Variants in SDK1 observed in about 807,000 individuals in gnomAD.
The protein encoded by SDK1 is sidekick cell adhesion molecule 1.
SDK1 carries 157 observed loss-of-function variants against 245.5 expected under a neutral mutation model. The ratio of observed to expected loss-of-function variants is 0.64; its 90% CI spans 0.56 to 0.73. The LOEUF (loss-of-function observed/expected upper bound fraction) is 0.73, where lower values mean the gene tolerates loss of function less well. SDK1 is among the 30% of genes least tolerant of loss of function. The pLI, the probability that SDK1 is intolerant of heterozygous loss-of-function variation, is 0.00. For missense variants in SDK1, 3,583 were observed against 3,002.3 expected (o/e 1.19, Z -4.52); for synonymous variants, 1,647 against 1,278.5 (o/e 1.29, Z -6.15).
At chr7:3,983,233 T>G (rs1173244437) in intron 13 of SDK1, among the ~76,000 whole-genome samples, 1 of 152,212 alleles carries the variant, frequency 6.6e-6, no homozygotes, top group African/African-American at 2.4e-5. Flanking sequence ...TGACTCCAAT[T>G]TTGAAAGAAG....
chr7:4,173,353 G>C (rs569734329), intron 32 of SDK1, among the ~76,000 whole-genome samples: 1 of 152,162 alleles, frequency 6.6e-6, no homozygotes, highest in African/African-American at 2.4e-5. Context: ...TGTCTCCTGC[G>C]TGGAAACATC....
At chr7:3,606,320 C>G (rs1390215250) in intron 1 of SDK1, among the ~76,000 whole-genome samples, 1 of 152,194 alleles carries the variant, frequency 6.6e-6, no homozygotes, top group Non-Finnish European at 1.5e-5. Context: ...CCTTTCTCAT[C>G]TGGATTAACA....
chr7:3,756,055 GGTT>G (rs778657500), intron 4 of SDK1, among the ~76,000 whole-genome samples: 28 of 122,024 alleles, frequency 2.3e-4, no homozygotes, highest in Non-Finnish European at 2.4e-4. Context: ...TGTATATCGT[GGTT>G]TTAAATCTGA....
At chr7:3,827,689 G>T (rs984064472) in intron 5 of SDK1, among the ~76,000 whole-genome samples, 2 of 152,188 alleles carry the variant, frequency 1.3e-5, no homozygotes, top group Non-Finnish European at 2.9e-5. Flanking sequence ...CTTTGCAGGT[G>T]CAGGGCCATG....
intron 17 of SDK1, among the ~76,000 whole-genome samples, chr7:4,047,376 A>G (rs894009650): frequency 3.3e-5 from 5 of 151,060 alleles, no homozygotes; most frequent in African/African-American, 7.4e-5. Context: ...ACTGTTATAT[A>G]TTGTTGAATT....
intron 1 of SDK1, among the ~76,000 whole-genome samples, chr7:3,334,761 G>T (rs1406730368): frequency 6.6e-6 from 1 of 152,034 alleles, no homozygotes; most frequent in Non-Finnish European, 1.5e-5. Flanking sequence ...AATCTCCTTA[G>T]TTTATCTCTA....
At chr7:3,474,088 G>A (rs1282500456) in intron 1 of SDK1, among the ~76,000 whole-genome samples, 2 of 106,114 alleles carry the variant, frequency 1.9e-5, no homozygotes, top group Non-Finnish European at 3.6e-5. Flanking sequence ...TCTACCAGAT[G>A]GTGTTTTTTT....
At chr7:3,353,070 A>G (rs559402078) in intron 1 of SDK1, among the ~76,000 whole-genome samples, 38 of 152,230 alleles carry the variant, frequency 2.5e-4, no homozygotes, top group African/African-American at 7.0e-4. Context: ...TACTTTTTCT[A>G]TATTATCCCA....
Position 3,798,088 on chromosome 7 carries a change from GT to G in SDK1, c.714-23354del, listed in dbSNP as rs906383564. On this transcript the variant is annotated intron_variant, in intron 4 of 44. Transcript: ENST00000404826. ...ACCATTTACTAGAGCCTTTTTCCCA[GT>G]TTTTTTTCCTGATTATCTTTTCCTG... 1.1e-4 allele frequency among the ~76,000 whole-genome samples: 17 copies of G among 150,904 alleles called. 1 individual carries two copies. The highest frequency in any genetic ancestry group is 4.2e-4 in the South Asian group (2 of 4,776).
intron 27 of SDK1, among the ~76,000 whole-genome samples, 179 bp from the exon 28 acceptor site, chr7:4,132,146 C>G (rs1784869520): frequency 6.6e-6 from 1 of 152,142 alleles, no homozygotes; most frequent in African/African-American, 2.4e-5. Flanking sequence ...CCTTAGGGAG[C>G]CACACTACCA....
intron 1 of SDK1, among the ~76,000 whole-genome samples, chr7:3,424,457 C>T (rs1779620128): frequency 6.6e-6 from 1 of 152,116 alleles, no homozygotes. Context: ...GAAATCTTTT[C>T]ACACTGATAA....
chr7:4,242,639 G>A (rs929303783), intron 43 of SDK1, among the ~76,000 whole-genome samples: 4 of 152,118 alleles, frequency 2.6e-5, no homozygotes, highest in African/African-American at 4.8e-5. Context: ...AGACAGCTCC[G>A]GGCTTTCCCA....
intron 44 of SDK1, among the ~76,000 whole-genome samples, chr7:4,252,073 A>G (rs1414877580): frequency 6.6e-6 from 1 of 151,950 alleles, no homozygotes; most frequent in African/African-American, 2.4e-5. Flanking sequence ...TTTTTTTATT[A>G]TACGTTAAGT....
chr7:3,770,361 C>G (rs906469839), intron 4 of SDK1, among the ~76,000 whole-genome samples: 2 of 152,124 alleles, frequency 1.3e-5, no homozygotes, highest in African/African-American at 4.8e-5. Context: ...TCGCCATTCA[C>G]CTATTGAAGG....
intron 4 of SDK1, among the ~76,000 whole-genome samples, chr7:3,748,068 C>A (rs895412192): frequency 3.9e-5 from 6 of 152,082 alleles, no homozygotes; most frequent in African/African-American, 1.2e-4. Flanking sequence ...TAGTATGTAT[C>A]ATGATCATTA....
intron 1 of SDK1, among the ~76,000 whole-genome samples, chr7:3,519,481 G>C (rs1187416143): frequency 6.6e-6 from 1 of 152,100 alleles, no homozygotes; most frequent in African/African-American, 2.4e-5. Flanking sequence ...TATGAAATAA[G>C]AGTAACAACA....
intron 10 of SDK1, among the ~76,000 whole-genome samples, 167 bp downstream of exon 10, chr7:3,967,601 C>T (rs982239068): frequency 2.6e-5 from 4 of 152,232 alleles, no homozygotes; most frequent in African/African-American, 9.6e-5. Context: ...CACCAGGGAC[C>T]TGTTTCTTGG....
At chr7:3,875,098 T>G (rs1193972292) in intron 5 of SDK1, among the ~76,000 whole-genome samples, 1 of 152,224 alleles carries the variant, frequency 6.6e-6, no homozygotes, top group Non-Finnish European at 1.5e-5. Context: ...AGTTGAATCT[T>G]CCTATGGGCT....
chr7:4,007,627 CAG>C (rs967548757), intron 14 of SDK1, among the ~76,000 whole-genome samples: 14 of 152,172 alleles, frequency 9.2e-5, no homozygotes, highest in African/African-American at 3.4e-4. Flanking sequence ...TTTTTTGAGA[CAG>C]AGTCTTGCTC....
Sources: allele counts gnomAD v4.1 joint callset (sites outside exome capture counted in the v4.1 genomes callset), GRCh38; gene constraint gnomAD v4.1.1; transcripts MANE v1.5; gene names NCBI Gene and HGNC (gene_info 2026-07-23, HGNC 2026-07-21).